The following IL7R variants were observed in gnomAD, a reference collection of about 807,000 sequenced individuals.
IL7R encodes the protein interleukin 7 receptor.
In IL7R, 38 loss-of-function variants were observed where a neutral mutation model predicts 47.0. The ratio of observed to expected loss-of-function variants is 0.81; its 90% CI spans 0.62 to 1.06. The LOEUF is 1.06. Among genes scored for constraint, IL7R ranks in the 50% least tolerant of loss-of-function variants. The pLI is 0.00. For synonymous variants in IL7R, 221 were observed against 199.8 expected, an observed-to-expected ratio of 1.11 and a Z score of -0.89; for missense variants, 633 against 534.8, an observed-to-expected ratio of 1.18 and a Z score of -1.81.
Position 35,867,398 on chromosome 5 carries a change from G to A in IL7R, c.314G>A (p.Ser105Asn), listed in dbSNP as rs150051812. 1.1e-4 allele frequency: 181 copies of A among 1,613,182 alleles called. 2 individuals carry two copies. The East Asian group carries it at 3.2e-3, about 28-fold the overall frequency. ...AAGAAATTCTTACTGATTGGAAAGA[G>A]CAATATATGTGTGAAGGTTGGAGAA... The part of the protein sequence containing the change: ...ETKKFLLIGK[S>N]NICVKVGEKS... Residue 105 changes from serine (S) to asparagine (N), a missense_variant, in exon 3 of 8, where the codon AGC becomes AAC. By Grantham distance (46) the Ser-to-Asn change is conservative. Transcript: ENST00000303115.
Position 35,877,408 on chromosome 5 carries a change from A to C in IL7R, c.*922A>C. On this transcript the variant is annotated 3_prime_UTR_variant, in exon 8 of 8. Transcript: ENST00000303115. ...AAAGCCATGAAGCCCATTTGGTTTC[A>C]TTTTTCTGAAAATAGGCTCAAGAGG... is the stretch of plus-strand genomic sequence containing the variant. 4.3e-6 allele frequency: 1 copy of C among 233,222 alleles called. No homozygotes were observed. Among genetic ancestry groups the C allele is most frequent in the Non-Finnish European group, 8.5e-6 (1 of 117,984 alleles). 14.4% of individuals were successfully genotyped at this position (233,222 alleles called of 1,614,324 possible).
In IL7R at chr5:35,875,535, G is replaced by T. The variant is rs1580863987; in HGVS notation, c.824G>T (p.Ser275Ile). The change falls in exon 7 of 8, where the codon AGT becomes ATT. Residue 275 changes from serine (S) to isoleucine (I), a missense_variant. Ser to Ile is a moderately radical substitution (Grantham distance 142). Transcript: ENST00000303115. ...AGGATTAAGCCTATCGTATGGCCCA[G>T]TCTCCCCGATCATAAGAAGACTCTG... ...KKRIKPIVWP[S>I]LPDHKKTLEH... 1.2e-6 allele frequency: 2 copies of T among 1,613,126 alleles called. No homozygotes were observed. Among genetic ancestry groups the T allele is most frequent in the East Asian group, 4.5e-5 (2 of 44,882 alleles).
chr5:35,875,411 G>C, intron 6 of IL7R, 101 bp from the exon 7 acceptor site: 1 of 872,312 alleles, frequency 1.1e-6, no homozygotes, highest in Admixed American at 1.9e-5. Flanking sequence ...GCCAAGACTA[G>C]AAATCTGTTC....
chr5:35,870,686 C>A lies in IL7R; in HGVS notation c.380-370C>A, dbSNP rs544845031. 3.9e-5 allele frequency among the ~76,000 whole-genome samples: 6 copies of A among 152,312 alleles called. No homozygotes were observed. In the South Asian group the frequency reaches 1.2e-3, roughly 32 times the overall value. Reference sequence around the variant, plus strand: ...AGTCAAAATGGATGTTTCTAACCTGCAGCTGGGGCTTCTCCCAGCAGTATT... The same window carrying A: ...AGTCAAAATGGATGTTTCTAACCTGAAGCTGGGGCTTCTCCCAGCAGTATT... On this transcript the variant is annotated intron_variant, in intron 3 of 7. Transcript: ENST00000303115.
rs2149905324 is a variant in IL7R, at chr5:35,876,070, G to A, written c.964G>A (p.Gly322Ser). The A allele has an allele frequency of 6.2e-7, 1 of 1,614,190 alleles. No homozygotes were observed. Among genetic ancestry groups the A allele is most frequent in the Non-Finnish European group, 8.5e-7 (1 of 1,180,040 alleles). The change falls in exon 8 of 8, where the codon GGT becomes AGT. Residue 322 changes from glycine (G) to serine (S), a missense_variant. Physicochemically the swap from Gly to Ser is moderately conservative, Grantham distance 56. Transcript: ENST00000303115. The part of the protein sequence containing the change: ...DDIQARDEVE[G>S]FLQDTFPQQL... ...CATTCAAGCTAGAGATGAAGTGGAA[G>A]GTTTTCTGCAAGATACGTTTCCTCA...
rs766895607 is a variant in IL7R, at chr5:35,875,542, C to A, written c.831C>A (p.Pro277=). 4 of 1,613,352 alleles carry A rather than the reference C, an allele frequency of 2.5e-6. No individual in the cohort carries two copies. Among genetic ancestry groups the A allele is most frequent in the Non-Finnish European group, 2.5e-6 (3 of 1,179,368 alleles). The change falls in exon 7 of 8, where the codon CCC becomes CCA. Residue 277 remains proline, a synonymous_variant. Transcript: ENST00000303115. ...AGCCTATCGTATGGCCCAGTCTCCC[C>A]GATCATAAGAAGACTCTGGAACATC... ...RIKPIVWPSL[P]DHKKTLEHLC...
rs958547633 is a variant in IL7R at position 35,877,747 on chromosome 5, C to A, written c.*1261C>A. On this transcript the variant is annotated 3_prime_UTR_variant, in exon 8 of 8. Transcript: ENST00000303115. The stretch of plus-strand genomic sequence containing the variant: ...CAATCTTGAAGATATACGGAAGAGA[C>A]GTATTATTAATGCTTGACATATATC... 1 of 233,092 alleles carries A rather than the reference C, an allele frequency of 4.3e-6. No homozygotes were observed. Among genetic ancestry groups the A allele is most frequent in the Admixed American group, 5.6e-5 (1 of 17,764 alleles). The allele number at this position is 233,092 out of a possible 1,614,324, so 14.4% of individuals were successfully genotyped here.
At chr5:35,875,853 A>T (rs1760192359) in intron 7 of IL7R, 130 bp from the exon 8 acceptor site, 1 of 1,041,662 alleles carries the variant, frequency 9.6e-7, no homozygotes, top group Non-Finnish European at 1.5e-6. Flanking sequence ...CAAAGAGTCC[A>T]TTGAGGAACA....
chr5:35,857,100 TGTA>T (rs776766981), intron 1 of IL7R, 41 bp downstream of exon 1: 2 of 1,256,316 alleles, frequency 1.6e-6, no homozygotes, highest in South Asian at 1.2e-5. Context: ...TTGGATTATC[TGTA>T]GCATGGTTTC....
chr5:35,874,383 A>G (rs996321524), intron 5 of IL7R, 66 bp from the exon 6 acceptor site: 6 of 1,041,762 alleles, frequency 5.8e-6, no homozygotes, highest in Non-Finnish European at 9.1e-6. Flanking sequence ...AATGCAAAGC[A>G]CCCTGAGACC....
At chr5:35,868,041 G>T (rs1239656094) in intron 3 of IL7R, among the ~76,000 whole-genome samples, 1 of 152,158 alleles carries the variant, frequency 6.6e-6, no homozygotes, top group Non-Finnish European at 1.5e-5. Context: ...AAGCCAGTAG[G>T]CTAGAAATTC....
rs2149907106 is a variant in IL7R at position 35,877,393 on chromosome 5, A to T, written c.*907A>T. 4.3e-6 allele frequency: 1 copy of T among 233,234 alleles called. No homozygotes were observed. The highest frequency in any genetic ancestry group is 1.8e-4 in the South Asian group (1 of 5,528). 14.4% of individuals were successfully genotyped at this position (233,234 alleles called of 1,614,324 possible). A position where few individuals can be genotyped will look rare whatever the true frequency, so the allele number is the denominator to read the frequency against. ...TAAAGAAGTCAAGAAAAAGCCATGAAGCCCATTTGGTTTCATTTTTCTGAA... is the reference window on the plus strand; with the variant it reads ...TAAAGAAGTCAAGAAAAAGCCATGATGCCCATTTGGTTTCATTTTTCTGAA... On this transcript the variant is annotated 3_prime_UTR_variant, in exon 8 of 8. Transcript: ENST00000303115.
chr5:35,876,033 T>C lies in IL7R; in HGVS notation c.927T>C (p.His309=). ...NPESFLDCQI[H]RVDDIQARDE... ...AAAGTTTCCTGGACTGCCAGATTCA[T>C]AGGGTGGATGACATTCAAGCTAGAG... Residue 309 remains histidine, a synonymous_variant, in exon 8 of 8, where the codon CAT becomes CAC. Coordinates refer to ENST00000303115, the MANE Select transcript of IL7R (RefSeq NM_002185.5). 1 of 1,614,090 alleles carries C rather than the reference T, an allele frequency of 6.2e-7. No homozygotes were observed. Among genetic ancestry groups the C allele is most frequent in the Non-Finnish European group, 8.5e-7 (1 of 1,179,988 alleles).
chr5:35,868,949 G>A (rs954930740), intron 3 of IL7R, among the ~76,000 whole-genome samples: 2 of 152,140 alleles, frequency 1.3e-5, no homozygotes, highest in Non-Finnish European at 2.9e-5. Flanking sequence ...GAACGGCAAG[G>A]GGGAGAGGTA....
intron 5 of IL7R, 96 bp from the exon 6 acceptor site, chr5:35,874,353 T>TG: frequency 2.4e-6 from 2 of 838,250 alleles, no homozygotes; most frequent in Non-Finnish European, 4.2e-6. Flanking sequence ...AAATAATAAG[T>TG]GGGCCCACAT....
At chr5:35,860,354 G>A (rs969575911) in intron 1 of IL7R, among the ~76,000 whole-genome samples, 2 of 152,092 alleles carry the variant, frequency 1.3e-5, no homozygotes, top group African/African-American at 4.8e-5. Context: ...CTGCAAGATA[G>A]CTATCATTGT....
rs2149905970 is a variant in IL7R, at chr5:35,876,298, C to T, written c.1192C>T (p.Pro398Ser). ...CTGCAGGGAGAGTGGCAAGAATGGG[C>T]CTCATGTGTACCAGGACCTCCTGCT... ...LDCRESGKNG[P>S]HVYQDLLLSL... The change falls in exon 8 of 8, where the codon CCT (proline) becomes TCT (serine). Residue 398 changes from proline to serine, a missense_variant. Transcript: ENST00000303115. 1 of 1,613,938 alleles carries T rather than the reference C, an allele frequency of 6.2e-7. No homozygotes were observed. Among genetic ancestry groups the T allele is most frequent in the African/African-American group, 1.3e-5 (1 of 75,024 alleles).
chr5:35,865,024 A>T (rs980059516), intron 2 of IL7R, among the ~76,000 whole-genome samples: 1 of 152,002 alleles, frequency 6.6e-6, no homozygotes, highest in Non-Finnish European at 1.5e-5. Flanking sequence ...GGTTTGTTAC[A>T]TATGTATACA....
In IL7R at chr5:35,876,184, A is replaced by G; in HGVS notation, c.1078A>G (p.Ser360Gly). Residue 360 changes from serine to glycine, a missense_variant, in exon 8 of 8, where the codon AGC (serine) becomes GGC (glycine). Ser to Gly is a moderately conservative substitution (Grantham distance 56). Coordinates refer to ENST00000303115, the MANE Select transcript of IL7R (RefSeq NM_002185.5). Reference protein sequence around the residue: ...PSEDVVITPESFGRDSSLTCL... With the variant: ...PSEDVVITPEGFGRDSSLTCL... ...TGAGGATGTAGTCATCACTCCAGAA[A>G]GCTTTGGAAGAGATTCATCCCTCAC... 1.9e-6 allele frequency: 3 copies of G among 1,614,158 alleles called. No homozygotes were observed. The highest frequency in any genetic ancestry group is 2.2e-5 in the East Asian group (1 of 44,880).
Sources: allele counts gnomAD v4.1 joint callset (sites outside exome capture counted in the v4.1 genomes callset), GRCh38; gene constraint gnomAD v4.1.1; transcripts MANE v1.5; gene names NCBI Gene and HGNC (gene_info 2026-07-23, HGNC 2026-07-21).